NDUFAF6: variants seen among roughly 807,000 people sequenced by gnomAD.
The protein encoded by NDUFAF6 is NADH:ubiquinone oxidoreductase complex assembly factor 6.
A neutral mutation model predicts 40.8 loss-of-function variants in NDUFAF6; 45 were observed. The observed-to-expected ratio is 1.10, with a 90% confidence interval of 0.87 to 1.42. The LOEUF is 1.42. Among genes scored for constraint, NDUFAF6 ranks in the 40% most tolerant of loss-of-function variants. The pLI is 0.00. For missense variants in NDUFAF6, 435 were observed against 418.5 expected (o/e 1.04, Z -0.34); for synonymous variants, 185 against 155.9 (o/e 1.19, Z -1.39).
At chr8:95,031,105 T>G (rs146378864) in intron 1 of NDUFAF6, among the ~76,000 whole-genome samples, 24 of 152,322 alleles carry the variant, frequency 1.6e-4, no homozygotes, top group African/African-American at 5.5e-4. Context: ...GGGGGTCACA[T>G]TTCAACATGA....
At chr8:94,995,679 A>T (rs1586928278) in intron 2 of NDUFAF6, among the ~76,000 whole-genome samples, 2 of 152,310 alleles carry the variant, frequency 1.3e-5, no homozygotes, top group South Asian at 4.2e-4. Flanking sequence ...CTTGCTCAGT[A>T]TATCCTTGCC....
chr8:95,070,130 A>C (rs1266023828), intron 9 of NDUFAF6, among the ~76,000 whole-genome samples: 1 of 152,100 alleles, frequency 6.6e-6, no homozygotes. Context: ...ATATGGGACA[A>C]GAATGTGGTT....
downstream of NDUFAF6, chr8:95,076,260 C>T (rs1466120725): frequency 1.3e-5 from 2 of 152,486 alleles, no homozygotes; most frequent in Non-Finnish European, 2.9e-5. Context: ...TCAAGTTCCT[C>T]CTCTGCTCCT....
chr8:94,939,864 G>A (rs751729835), intron 1 of NDUFAF6: 2 of 1,610,732 alleles, frequency 1.2e-6, no homozygotes, highest in Non-Finnish European at 1.7e-6. Context: ...ACGTACCTGG[G>A]ACTACTTGGG....
intron 2 of NDUFAF6, among the ~76,000 whole-genome samples, chr8:94,992,316 A>T (rs912606702): frequency 1.3e-5 from 2 of 152,094 alleles, no homozygotes; most frequent in Non-Finnish European, 2.9e-5. Context: ...GTGAAACCCC[A>T]TGTCTACTAA....
intron 5 of NDUFAF6, among the ~76,000 whole-genome samples, chr8:95,046,041 A>ATTTTATTTTATTTTAT (rs1554676291): frequency 3.1e-4 from 47 of 151,348 alleles, no homozygotes; most frequent in African/African-American, 1.0e-3. Context: ...CATTTATTTT[A>ATTTTATTTTATTTTAT]TTTTATTTTA....
chr8:94,930,418 T>TA (rs1309664087), intron 1 of NDUFAF6: 23 of 1,599,780 alleles, frequency 1.4e-5, no homozygotes, highest in Non-Finnish European at 1.9e-5. Flanking sequence ...ACTGTACATA[T>TA]ACACACATCC....
At chr8:94,990,489 T>A (rs1255581145) in intron 2 of NDUFAF6, among the ~76,000 whole-genome samples, 1 of 152,340 alleles carries the variant, frequency 6.6e-6, no homozygotes, top group Non-Finnish European at 1.5e-5. Context: ...TGATGGGTTC[T>A]TGAGTTCCCT....
chr8:95,079,070 G>A (rs1198640793), downstream of NDUFAF6, among the ~76,000 whole-genome samples: 1 of 151,968 alleles, frequency 6.6e-6, no homozygotes, highest in Non-Finnish European at 1.5e-5. Flanking sequence ...CATCTCCTCT[G>A]TTTAAGAAAT....
chr8:94,967,832 T>A (rs980257691), intron 1 of NDUFAF6, among the ~76,000 whole-genome samples: 1 of 151,924 alleles, frequency 6.6e-6, no homozygotes, highest in Non-Finnish European at 1.5e-5. Context: ...TCCCAGCTAC[T>A]TGGAAGGCTG....
chr8:95,017,211 G>A (rs1237225653), intron 2 of NDUFAF6, among the ~76,000 whole-genome samples: 2 of 151,380 alleles, frequency 1.3e-5, no homozygotes, highest in Non-Finnish European at 2.9e-5. Context: ...AAAATGCTGG[G>A]ACTACAGGCA....
At chr8:95,071,716 G>T (rs1277606946) in intron 9 of NDUFAF6, 1 of 152,268 alleles carries the variant, frequency 6.6e-6, no homozygotes, top group East Asian at 1.9e-4. Flanking sequence ...CAATTTGGAT[G>T]GTGGTGGAGA....
intron 2 of NDUFAF6, among the ~76,000 whole-genome samples, chr8:95,008,261 A>G (rs996097285): frequency 6.6e-6 from 1 of 152,200 alleles, no homozygotes; most frequent in Admixed American, 6.5e-5. Context: ...AAAGATGATC[A>G]TCATCAACTC....
intron 1 of NDUFAF6, among the ~76,000 whole-genome samples, chr8:94,978,517 A>T (rs1825154241): frequency 6.6e-6 from 1 of 152,032 alleles, no homozygotes; most frequent in African/African-American, 2.4e-5. Flanking sequence ...GGAGTTTGAG[A>T]CTAGCTCTGG....
upstream of NDUFAF6, among the ~76,000 whole-genome samples, chr8:95,021,084 G>T (rs1827674717): frequency 6.6e-6 from 1 of 152,184 alleles, no homozygotes; most frequent in Non-Finnish European, 1.5e-5. Context: ...CACCATTTTT[G>T]TTGGGTTTGT....
chr8:95,013,965 T>C (rs1193094589), intron 2 of NDUFAF6, among the ~76,000 whole-genome samples: 2 of 152,150 alleles, frequency 1.3e-5, no homozygotes, highest in Non-Finnish European at 2.9e-5. Flanking sequence ...GAGAATGCCA[T>C]GTAAAGAAAA....
At position 95,006,753 on chromosome 8, in the gene NDUFAF6, G is replaced by A. The variant is rs901207627; in HGVS notation, c.-83-25242G>A. On this transcript the variant is annotated intron_variant, in intron 2 of 9. Coordinates refer to the NDUFAF6 transcript ENST00000396111. ...AAACGAGCTGGGTGTAGTGGTGCACGCCTGCATTCCCAGCTACTCAGGAGG... is the reference window on the plus strand; with the variant it reads ...AAACGAGCTGGGTGTAGTGGTGCACACCTGCATTCCCAGCTACTCAGGAGG... Among the ~76,000 whole-genome samples, 4 of 151,920 alleles carry A rather than the reference G, an allele frequency of 2.6e-5. No homozygotes were observed. The South Asian group carries it at 6.2e-4, about 24-fold the overall frequency.
At chr8:94,974,825 C>G (rs1824787310) in intron 1 of NDUFAF6, 1 of 157,890 alleles carries the variant, frequency 6.3e-6, no homozygotes, top group African/African-American at 2.4e-5. Flanking sequence ...GTCCCTTTCC[C>G]CGTATGCAGG....
intron 2 of NDUFAF6, chr8:95,085,699 A>T (rs570091077): frequency 7.9e-5 from 12 of 151,136 alleles, no homozygotes; most frequent in African/African-American, 2.7e-4. Context: ...AGAGATATTT[A>T]AAAAACTATG....
Sources: gnomAD v4.1 joint callset for allele counts (sites outside exome capture counted in the v4.1 genomes callset) on GRCh38, gnomAD v4.1.1 for gene constraint, MANE v1.5 for transcripts, NCBI Gene and HGNC (gene_info 2026-07-23, HGNC 2026-07-21) for gene names.